DPYD: variants seen among roughly 807,000 people sequenced by gnomAD.
The protein encoded by DPYD is dihydropyrimidine dehydrogenase.
Under a neutral mutation model 116.2 loss-of-function variants are expected in DPYD, and 109 were observed. The observed-to-expected ratio is 0.94, with a 90% CI of 0.80 to 1.10. DPYD has a LOEUF of 1.10. DPYD is among the 50% of genes least tolerant of loss of function. The pLI is 0.00. For missense variants in DPYD, 1,302 were observed against 1,254.5 expected (o/e 1.04, Z -0.57); for synonymous variants, 440 against 432.0 (o/e 1.02, Z -0.23).
At chr1:97,226,546 T>G (rs1180336691) in intron 19 of DPYD, among the ~76,000 whole-genome samples, 1 of 152,064 alleles carries the variant, frequency 6.6e-6, no homozygotes, top group African/African-American at 2.4e-5. Flanking sequence ...GGATACAAAA[T>G]TCACATGCAA....
At chr1:97,833,942 A>G (rs1669646233) in intron 2 of DPYD, among the ~76,000 whole-genome samples, 1 of 152,104 alleles carries the variant, frequency 6.6e-6, no homozygotes, top group Admixed American at 6.5e-5. Flanking sequence ...CATTTTCACA[A>G]AAGTACATAT....
chr1:97,485,623 GA>G (rs1252062450), intron 13 of DPYD, among the ~76,000 whole-genome samples: 2 of 145,470 alleles, frequency 1.4e-5, no homozygotes, highest in African/African-American at 2.5e-5. Context: ...TCAATTCATT[GA>G]ATTTTTTTAT....
intron 18 of DPYD, among the ~76,000 whole-genome samples, chr1:97,268,235 A>T (rs898341086): frequency 4.6e-5 from 7 of 152,178 alleles, no homozygotes; most frequent in African/African-American, 1.4e-4. Flanking sequence ...TGGGTTCAGT[A>T]CACTCAGCAG....
At chr1:97,651,590 T>C (rs919213917) in intron 8 of DPYD, among the ~76,000 whole-genome samples, 2 of 152,140 alleles carry the variant, frequency 1.3e-5, no homozygotes, top group African/African-American at 4.8e-5. Context: ...CATCTTTCAT[T>C]CACTGGTTAC....
At chr1:97,721,002 T>C (rs1006650508) in intron 5 of DPYD, 2 of 1,554,232 alleles carry the variant, frequency 1.3e-6, no homozygotes, top group Non-Finnish European at 1.7e-6. Context: ...AAGACCTGCT[T>C]CCAATCTATA....
intron 3 of DPYD, among the ~76,000 whole-genome samples, chr1:97,822,507 G>T (rs1669003706): frequency 6.6e-6 from 1 of 150,700 alleles, no homozygotes; most frequent in South Asian, 2.1e-4. Context: ...ATTTGTTCAG[G>T]GTTATATTCC....
chr1:97,329,984 T>C (rs991721823), intron 16 of DPYD, among the ~76,000 whole-genome samples: 2 of 151,886 alleles, frequency 1.3e-5, no homozygotes, highest in Non-Finnish European at 2.9e-5. Context: ...ATATGCAATG[T>C]ATTTCCATCT....
At chr1:97,281,791 T>C (rs568580880) in intron 18 of DPYD, among the ~76,000 whole-genome samples, 1 of 152,166 alleles carries the variant, frequency 6.6e-6, no homozygotes, top group East Asian at 1.9e-4. Flanking sequence ...AGGGAATAAT[T>C]TTAATTTTTT....
chr1:97,678,026 C>A (rs971617726), intron 8 of DPYD, among the ~76,000 whole-genome samples: 1 of 152,076 alleles, frequency 6.6e-6, no homozygotes, highest in East Asian at 1.9e-4. Context: ...AACAATTTAA[C>A]ACAGTGGTCC....
At chr1:97,576,370 T>C (rs1653261767) in intron 10 of DPYD, among the ~76,000 whole-genome samples, 1 of 152,192 alleles carries the variant, frequency 6.6e-6, no homozygotes, top group African/African-American at 2.4e-5. Context: ...CACTGAACTA[T>C]GCTGTACCTA....
chr1:97,224,308 G>T (rs984160122), intron 19 of DPYD, among the ~76,000 whole-genome samples: 1 of 151,988 alleles, frequency 6.6e-6, no homozygotes, highest in African/African-American at 2.4e-5. Flanking sequence ...CTAGGAAAAT[G>T]ATCTGGAGTA....
At chr1:97,818,555 G>A (rs1369770025) in intron 3 of DPYD, among the ~76,000 whole-genome samples, 1 of 151,918 alleles carries the variant, frequency 6.6e-6, no homozygotes, top group East Asian at 1.9e-4. Context: ...CATTGTTGCC[G>A]ACCATATGGT....
chr1:97,376,203 A>T (rs919984667), intron 15 of DPYD, among the ~76,000 whole-genome samples: 1 of 152,232 alleles, frequency 6.6e-6, no homozygotes, highest in Non-Finnish European at 1.5e-5. Flanking sequence ...CTTGAACTCA[A>T]GCATTTTGAG....
intron 20 of DPYD, among the ~76,000 whole-genome samples, chr1:97,105,320 A>G (rs1453781885): frequency 1.4e-4 from 22 of 152,068 alleles, no homozygotes; most frequent in Admixed American, 1.4e-3. Context: ...AGAGAGGGCA[A>G]GAGAGAAGGA....
At chr1:97,828,629 T>A (rs775138427) in intron 2 of DPYD, among the ~76,000 whole-genome samples, 9 of 152,010 alleles carry the variant, frequency 5.9e-5, no homozygotes, top group Non-Finnish European at 8.8e-5. Context: ...AAGTTCTAAA[T>A]AAGCTAGCAT....
At chr1:97,827,956 A>G (rs1281690702) in intron 3 of DPYD, among the ~76,000 whole-genome samples, 158 bp downstream of exon 3, 1 of 152,202 alleles carries the variant, frequency 6.6e-6, no homozygotes, top group Non-Finnish European at 1.5e-5. Flanking sequence ...CAGCTTCAAA[A>G]CCAAAGTACA....
At chr1:97,300,316 T>C (rs746333583) in intron 18 of DPYD, among the ~76,000 whole-genome samples, 6 of 152,160 alleles carry the variant, frequency 3.9e-5, no homozygotes, top group Non-Finnish European at 7.4e-5. Context: ...TTATTTTAGA[T>C]CTTCAATGTT....
At chr1:97,833,999 A>G (rs975106247) in intron 2 of DPYD, among the ~76,000 whole-genome samples, 28 of 152,114 alleles carry the variant, frequency 1.8e-4, no homozygotes, top group East Asian at 9.6e-4. Context: ...CAGTGGGCCA[A>G]TACAGCTCCT....
chr1:97,352,785 A>G (rs1356600761), intron 16 of DPYD, among the ~76,000 whole-genome samples: 2 of 152,228 alleles, frequency 1.3e-5, no homozygotes, highest in East Asian at 3.9e-4. Flanking sequence ...TACATACAGT[A>G]AAGTGCACCT....
Sources: gnomAD v4.1 joint callset for allele counts (sites outside exome capture counted in the v4.1 genomes callset) on GRCh38, gnomAD v4.1.1 for gene constraint, MANE v1.5 for transcripts, NCBI Gene and HGNC (gene_info 2026-07-23, HGNC 2026-07-21) for gene names.